Variants in GABRA3 observed in about 807,000 individuals in gnomAD.
GABRA3 encodes gamma-aminobutyric acid type A receptor subunit alpha3.
A neutral mutation model predicts 30.1 loss-of-function variants in GABRA3; 10 were observed. The ratio of observed to expected loss-of-function variants is 0.33; its 90% CI spans 0.20 to 0.56. The LOEUF is 0.56. Ranked by LOEUF, GABRA3 falls within the 20% of genes least tolerant of loss-of-function variation. The pLI is 0.89. For missense variants in GABRA3, 233 were observed against 392.0 expected, an observed-to-expected ratio of 0.59 and a Z score of 3.42; for synonymous variants, 151 against 146.8, an observed-to-expected ratio of 1.03 and a Z score of -0.21.
chrX:152,389,838 G>A (rs919686790), intron 1 of GABRA3, among the ~76,000 whole-genome samples: 1 of 110,494 alleles, frequency 9.1e-6, no homozygotes, highest in Non-Finnish European at 1.9e-5. Context: ...TGGCATTTTC[G>A]GTGCAGGATC....
At chrX:152,352,761 T>G (rs755690236) in intron 2 of GABRA3, among the ~76,000 whole-genome samples, 1 of 111,643 alleles carries the variant, frequency 9.0e-6, no homozygotes, top group East Asian at 2.8e-4. Context: ...TAACTCTTCA[T>G]AGCTAACCAA....
At chrX:152,366,788 GA>G (rs1928672969) in intron 1 of GABRA3, among the ~76,000 whole-genome samples, 1 of 111,623 alleles carries the variant, frequency 9.0e-6, no homozygotes, top group Admixed American at 9.5e-5. Context: ...AATGCACACA[GA>G]ATATATGTAT....
At chrX:152,190,910 T>C (rs946861831) in intron 8 of GABRA3, among the ~76,000 whole-genome samples, 1 of 108,860 alleles carries the variant, frequency 9.2e-6, no homozygotes, top group Non-Finnish European at 1.9e-5. Flanking sequence ...TGATTAACGG[T>C]ATAAGCTTTA....
At chrX:152,207,045 A>T (rs1179449806) in intron 7 of GABRA3, among the ~76,000 whole-genome samples, 3 of 111,808 alleles carry the variant, frequency 2.7e-5, no homozygotes, top group Non-Finnish European at 5.6e-5. Context: ...CTAATTCTAG[A>T]TCTCTAAATC....
At chrX:152,309,204 G>T (rs1939764785) in intron 3 of GABRA3, among the ~76,000 whole-genome samples, 1 of 111,537 alleles carries the variant, frequency 9.0e-6, no homozygotes, top group Admixed American at 9.5e-5. Context: ...CAATCAACTT[G>T]GAAAATATAT....
chrX:152,424,137 T>G (rs888638937), intron 1 of GABRA3, among the ~76,000 whole-genome samples: 25 of 110,777 alleles, frequency 2.3e-4, no homozygotes, highest in African/African-American at 8.2e-4. Flanking sequence ...GATCCCAGCA[T>G]TCTCCCAAAA....
intron 1 of GABRA3, among the ~76,000 whole-genome samples, chrX:152,406,626 G>A (rs1929945619): frequency 9.3e-6 from 1 of 107,196 alleles, no homozygotes; most frequent in Non-Finnish European, 1.9e-5. Flanking sequence ...TAGAGCTAAA[G>A]AGCAAGATAG....
Position 152,308,838 on chromosome X carries a change from G to A in GABRA3, c.263-24103C>T, listed in dbSNP as rs536580874. Among the ~76,000 whole-genome samples, 122 of 112,188 alleles carry A rather than the reference G, an allele frequency of 1.1e-3. 1 individual carries two copies. Among genetic ancestry groups the A allele is most frequent in the Middle Eastern group, 9.2e-3 (2 of 218 alleles). On this transcript the variant is annotated intron_variant, in intron 3 of 9. Coordinates refer to ENST00000370314, the MANE Select transcript of GABRA3 (RefSeq NM_000808.4). ...GTCAGACATAGAATTCAGCATGCAGGTCATCAAGATTGTGAAGAAAGTTGA... is the reference window on the plus strand; with the variant it reads ...GTCAGACATAGAATTCAGCATGCAGATCATCAAGATTGTGAAGAAAGTTGA...
At chrX:152,285,850 C>T (rs1447949788) in intron 3 of GABRA3, among the ~76,000 whole-genome samples, 2 of 107,982 alleles carry the variant, frequency 1.9e-5, no homozygotes, top group Admixed American at 1.0e-4. Context: ...GCCCTCCTGA[C>T]CTAATCGCCT....
intron 9 of GABRA3, among the ~76,000 whole-genome samples, chrX:152,189,388 G>A (rs1458324910): frequency 3.6e-5 from 4 of 111,807 alleles, no homozygotes; most frequent in South Asian, 3.8e-4. Context: ...TGGGAAGAGG[G>A]GCAGAGATGG....
At chrX:152,205,876 A>G (rs372700527) in intron 7 of GABRA3, among the ~76,000 whole-genome samples, 1 of 112,995 alleles carries the variant, frequency 8.8e-6, no homozygotes, top group East Asian at 2.8e-4. Flanking sequence ...CTGAATGTAA[A>G]ACAATCAGTT....
At chrX:152,394,540 C>G (rs1324422319) in intron 1 of GABRA3, 2 of 379,435 alleles carry the variant, frequency 5.3e-6, no homozygotes, top group East Asian at 7.6e-5. Flanking sequence ...AGGGAGTAGA[C>G]AGATGACAAA....
chrX:152,350,351 GC>G (rs1940460103), intron 2 of GABRA3, among the ~76,000 whole-genome samples: 1 of 98,316 alleles, frequency 1.0e-5, no homozygotes, highest in South Asian at 5.3e-4. Context: ...ACAAGAGAAA[GC>G]AGGAAAGATC....
intron 2 of GABRA3, among the ~76,000 whole-genome samples, chrX:152,350,227 A>G (rs1378224643): frequency 1.3e-4 from 13 of 102,917 alleles, no homozygotes; most frequent in Non-Finnish European, 2.4e-4. Context: ...AACAAAATGA[A>G]GGCAGAAATA....
At chrX:152,397,351 C>T (rs1929686615) in intron 1 of GABRA3, among the ~76,000 whole-genome samples, 1 of 112,247 alleles carries the variant, frequency 8.9e-6, no homozygotes, top group Admixed American at 9.4e-5. Flanking sequence ...GGTCACCCTG[C>T]CTATGGTCAT....
chrX:152,321,409 G>A (rs985393052), intron 3 of GABRA3, among the ~76,000 whole-genome samples: 1 of 111,477 alleles, frequency 9.0e-6, no homozygotes, highest in Non-Finnish European at 1.9e-5. Context: ...GAATTCCAAT[G>A]TGCATCAAAA....
At chrX:152,307,964 C>A (rs182691607) in intron 3 of GABRA3, among the ~76,000 whole-genome samples, 1 of 112,321 alleles carries the variant, frequency 8.9e-6, no homozygotes, top group Non-Finnish European at 1.9e-5. Flanking sequence ...TGGAGCACAG[C>A]CAGGGATGCC....
At position 152,244,733 on chromosome X, in the gene GABRA3, T is replaced by G. The variant is rs1327974217; in HGVS notation, c.551+11045A>C. 5.4e-5 allele frequency among the ~76,000 whole-genome samples: 6 copies of G among 111,687 alleles called. No homozygotes were observed. In the East Asian group the frequency reaches 1.4e-3, roughly 26 times the overall value. On this transcript the variant is annotated intron_variant, in intron 5 of 9. Transcript: ENST00000370314. ...CTACTTCTCCATTACTTTACCCTTC[T>G]AATGCAGCAACCTCTAGCACATATT... is the stretch of plus-strand genomic sequence containing the variant.
At chrX:152,413,684 T>C (rs150845558) in intron 1 of GABRA3, among the ~76,000 whole-genome samples, 122 of 110,861 alleles carry the variant, frequency 1.1e-3, no homozygotes, top group African/African-American at 3.9e-3. Flanking sequence ...GAAAAAAACG[T>C]TGAGCTGCAT....
Sources: allele counts gnomAD v4.1 joint callset (sites outside exome capture counted in the v4.1 genomes callset), GRCh38; gene constraint gnomAD v4.1.1; transcripts MANE v1.5; gene names NCBI Gene and HGNC (gene_info 2026-07-23, HGNC 2026-07-21).